Variants in ADAM12 observed in about 807,000 individuals in gnomAD.
ADAM12 encodes ADAM metallopeptidase domain 12.
A neutral mutation model predicts 106.4 loss-of-function variants in ADAM12; 70 were observed. The ratio of observed to expected loss-of-function variants is 0.66; its 90% CI spans 0.54 to 0.80. The LOEUF is 0.80. Ranked by LOEUF, ADAM12 falls within the 30% of genes least tolerant of loss-of-function variation. The pLI, the probability that ADAM12 is intolerant of heterozygous loss-of-function variation, is 0.00. For missense variants in ADAM12, 1,010 were observed against 1,171.9 expected, an observed-to-expected ratio of 0.86 and a Z score of 2.02; for synonymous variants, 420 against 433.5, an observed-to-expected ratio of 0.97 and a Z score of 0.39.
At chr10:126,054,372 G>A (rs528398367) in intron 14 of ADAM12, among the ~76,000 whole-genome samples, 2 of 152,226 alleles carry the variant, frequency 1.3e-5, no homozygotes, top group South Asian at 2.1e-4. Flanking sequence ...ATGAACCTGC[G>A]TGGATGCAGG....
At chr10:126,228,760 T>G (rs527840327) in intron 3 of ADAM12, among the ~76,000 whole-genome samples, 1 of 152,222 alleles carries the variant, frequency 6.6e-6, no homozygotes, top group Non-Finnish European at 1.5e-5. Context: ...TGCTCTGCAG[T>G]AGACATGGGC....
chr10:126,325,745 T>C (rs937343682), intron 2 of ADAM12, among the ~76,000 whole-genome samples: 9 of 152,340 alleles, frequency 5.9e-5, no homozygotes, highest in African/African-American at 2.2e-4. Context: ...GTTAATTTTT[T>C]CAAGACATGA....
rs367723746 is a variant in ADAM12 at position 126,115,517 on chromosome 10, G to A, written c.603+2521C>T. ...GCCTGGGTTCTCACTAAAATCTAAT[G>A]TGGAGCCTTGTAAAAATGACAAACA... is the stretch of plus-strand genomic sequence containing the variant. On this transcript the variant is annotated intron_variant, in intron 6 of 22. Transcript: ENST00000448723. 2.0e-5 allele frequency among the ~76,000 whole-genome samples: 3 copies of A among 152,258 alleles called. 1 individual carries two copies. Among genetic ancestry groups the A allele is most frequent in the African/African-American group, 7.2e-5 (3 of 41,558 alleles).
At chr10:126,348,038 G>T (rs1161586970) in intron 1 of ADAM12, among the ~76,000 whole-genome samples, 1 of 152,186 alleles carries the variant, frequency 6.6e-6, no homozygotes, top group Non-Finnish European at 1.5e-5. Flanking sequence ...TTGGAGTACA[G>T]GGTGCTTAAC....
chr10:126,293,878 C>T (rs1960260597), intron 2 of ADAM12, among the ~76,000 whole-genome samples: 1 of 152,128 alleles, frequency 6.6e-6, no homozygotes, highest in African/African-American at 2.4e-5. Context: ...CCATGAAGGC[C>T]CAGGTAGAGC....
rs1384928772 is a variant in ADAM12, at chr10:126,061,294, CATGG to C, written c.1609+3508_1609+3511del. ...ATCTAGCATAGAACCACATATATTA[CATGG>C]AATAGATTATAGGCTATGTTGGAGC... On this transcript the variant is annotated intron_variant, in intron 14 of 22. Transcript: ENST00000448723. 5.3e-5 allele frequency among the ~76,000 whole-genome samples: 8 copies of C among 152,318 alleles called. No homozygotes were observed. The South Asian group carries it at 1.5e-3, about 28-fold the overall frequency.
At chr10:126,125,431 G>T (rs529479940) in intron 5 of ADAM12, among the ~76,000 whole-genome samples, 1 of 151,940 alleles carries the variant, frequency 6.6e-6, no homozygotes, top group African/African-American at 2.4e-5. Context: ...TTTTAGTAGA[G>T]ATGGGGTTTC....
At chr10:126,331,365 T>C (rs1854505627) in intron 1 of ADAM12, among the ~76,000 whole-genome samples, 1 of 152,206 alleles carries the variant, frequency 6.6e-6, no homozygotes, top group African/African-American at 2.4e-5. Flanking sequence ...GCAGGACTCA[T>C]AATTTTCAGA....
chr10:126,117,917 C>T, intron 6 of ADAM12, 121 bp downstream of exon 6: 2 of 1,169,356 alleles, frequency 1.7e-6, no homozygotes, highest in Non-Finnish European at 2.5e-6. Context: ...AAACTGGGCA[C>T]TTCCATCCCC....
At chr10:126,330,537 T>C (rs760115661) in intron 1 of ADAM12, 28 bp from the exon 2 acceptor site, 1 of 1,590,078 alleles carries the variant, frequency 6.3e-7, no homozygotes, top group Admixed American at 1.7e-5. Context: ...CAGCCCTATA[T>C]TTCACTCTAG....
chr10:126,362,619 A>C (rs2133905505), intron 1 of ADAM12, among the ~76,000 whole-genome samples: 1 of 152,332 alleles, frequency 6.6e-6, no homozygotes, highest in East Asian at 1.9e-4. Context: ...AGTCTTTAAA[A>C]AGAAAAAAAT....
intron 3 of ADAM12, among the ~76,000 whole-genome samples, chr10:126,195,976 C>T (rs1002502973): frequency 1.3e-5 from 2 of 152,140 alleles, no homozygotes; most frequent in African/African-American, 2.4e-5. Flanking sequence ...CAGGGGTTAG[C>T]GGATGGCCTC....
chr10:126,229,733 C>T (rs1958272767), intron 3 of ADAM12, among the ~76,000 whole-genome samples: 1 of 151,448 alleles, frequency 6.6e-6, no homozygotes, highest in African/African-American at 2.4e-5. Context: ...CCTCCAGTTG[C>T]AAACCTCACT....
intron 3 of ADAM12, among the ~76,000 whole-genome samples, chr10:126,268,711 C>A (rs11244928): frequency 2.0e-5 from 3 of 152,118 alleles, no homozygotes; most frequent in Admixed American, 6.5e-5. Context: ...ACAGACAGGG[C>A]TCAACTCCAC....
rs1181111120 is a variant in ADAM12, at chr10:126,012,933, G to A, written c.*4346C>T. 3 of 152,126 alleles carry A rather than the reference G, an allele frequency of 2.0e-5. No homozygotes were observed. Among genetic ancestry groups the A allele is most frequent in the South Asian group, 2.1e-4 (1 of 4,822 alleles). 9.4% of individuals were successfully genotyped at this position (152,126 alleles called of 1,614,324 possible). Reference sequence around the variant, plus strand: ...GAGGATTTAAAATGTGCTAAATGGAGGACTAAAGAGTTACCTTATAGGAGA... The same window carrying A: ...GAGGATTTAAAATGTGCTAAATGGAAGACTAAAGAGTTACCTTATAGGAGA... On this transcript the variant is annotated 3_prime_UTR_variant, in exon 23 of 23. Transcript: ENST00000448723.
intron 3 of ADAM12, among the ~76,000 whole-genome samples, chr10:126,174,760 T>C (rs1162627528): frequency 8.8e-6 from 1 of 113,874 alleles, no homozygotes; most frequent in African/African-American, 3.0e-5. Flanking sequence ...ACCCCCCCTT[T>C]TTTTTTTTTT....
rs144925394 is a variant in ADAM12, at chr10:126,133,367, G to A, written c.416+2217C>T. On this transcript the variant is annotated intron_variant, in intron 5 of 22. Coordinates refer to ENST00000448723, the MANE Select transcript of ADAM12 (RefSeq NM_001288973.2). ...GTCCTTTCATGTGCTCACACCCCAC[G>A]CTTCCTCAGGAAAGTGACTTTAAGA... 1.1e-3 allele frequency among the ~76,000 whole-genome samples: 170 copies of A among 152,164 alleles called. 1 individual carries two copies. The East Asian group carries it at 0.031, about 28-fold the overall frequency.
chr10:126,298,001 T>C (rs1016786116), intron 2 of ADAM12, among the ~76,000 whole-genome samples: 12 of 152,000 alleles, frequency 7.9e-5, no homozygotes, highest in Non-Finnish European at 1.6e-4. Context: ...GATCTCAAAA[T>C]GCTATACCCA....
rs571240877 is a variant in ADAM12 at position 126,269,615 on chromosome 10, C to T, written c.260+9300G>A. ...TAAGATGGCATCAGCCTCTCCACTG[C>T]TAGAGACCTCCTGGGAAGAGCCAGG... On this transcript the variant is annotated intron_variant, in intron 3 of 22. Transcript: ENST00000448723. Among the ~76,000 whole-genome samples the T allele has an allele frequency of 2.0e-5, 3 of 152,266 alleles. No homozygotes were observed. The South Asian group carries it at 6.2e-4, about 32-fold the overall frequency.
Sources: gnomAD v4.1 joint callset for allele counts (sites outside exome capture counted in the v4.1 genomes callset) on GRCh38, gnomAD v4.1.1 for gene constraint, MANE v1.5 for transcripts, NCBI Gene and HGNC (gene_info 2026-07-23, HGNC 2026-07-21) for gene names.